The following CLMP variants were observed in gnomAD, a reference collection of about 807,000 sequenced individuals.
CLMP encodes CXADR-like membrane protein.
In CLMP, 27 loss-of-function variants were observed where a neutral mutation model predicts 45.2. The observed-to-expected ratio is 0.60, with a 90% CI of 0.44 to 0.82. The LOEUF (loss-of-function observed/expected upper bound fraction) is 0.82, where lower values mean the gene tolerates loss of function less well. CLMP is among the 40% of genes least tolerant of loss of function. The pLI is 0.00. For missense variants in CLMP, 403 were observed against 448.4 expected, an observed-to-expected ratio of 0.90 and a Z score of 0.91; for synonymous variants, 167 against 171.4, an observed-to-expected ratio of 0.97 and a Z score of 0.20.
At chr11:123,163,645 G>A (rs1224679086) in intron 1 of CLMP, among the ~76,000 whole-genome samples, 1 of 152,188 alleles carries the variant, frequency 6.6e-6, no homozygotes, top group African/African-American at 2.4e-5. Context: ...TCAGTAAAAG[G>A]GGAGAACCAC....
At chr11:123,191,609 A>G (rs898924108) in intron 1 of CLMP, 1 of 152,262 alleles carries the variant, frequency 6.6e-6, no homozygotes, top group East Asian at 1.9e-4. Flanking sequence ...TGAATTTTTT[A>G]AAAATAGGAC....
intron 6 of CLMP, 96 bp downstream of exon 6, chr11:123,074,606 G>A: frequency 2.4e-6 from 3 of 1,264,142 alleles, no homozygotes; most frequent in Non-Finnish European, 2.2e-6. Context: ...ACAGATTCAT[G>A]GTTAAGAGAA....
intron 1 of CLMP, among the ~76,000 whole-genome samples, chr11:123,124,880 G>A (rs1002492368): frequency 2.6e-5 from 4 of 152,092 alleles, no homozygotes; most frequent in African/African-American, 9.7e-5. Context: ...TATACATATG[G>A]AGTGGAATAC....
chr11:123,081,068 G>A (rs1865798716), intron 5 of CLMP, among the ~76,000 whole-genome samples: 1 of 152,016 alleles, frequency 6.6e-6, no homozygotes. Flanking sequence ...CGGGAGAATC[G>A]CTTGAACCTG....
At chr11:123,115,884 G>A (rs1452071412) in intron 1 of CLMP, among the ~76,000 whole-genome samples, 2 of 152,180 alleles carry the variant, frequency 1.3e-5, no homozygotes, top group Non-Finnish European at 1.5e-5. Context: ...TCAGGAATCT[G>A]AGCATGGCTT....
intron 1 of CLMP, among the ~76,000 whole-genome samples, chr11:123,162,049 A>G (rs1447889001): frequency 6.6e-6 from 1 of 152,256 alleles, no homozygotes; most frequent in Non-Finnish European, 1.5e-5. Context: ...TGCAGAGAAC[A>G]TGGCCCCAAC....
At chr11:123,150,480 A>AAAGAAAGAAAGGAAGGAAGG (rs764502298) in intron 1 of CLMP, among the ~76,000 whole-genome samples, 14 of 40,896 alleles carry the variant, frequency 3.4e-4, no homozygotes, top group Non-Finnish European at 3.8e-4. Flanking sequence ...AGAAAGAAAG[A>AAAGAAAGAAAGGAAGGAAGG]AAGGAAGGAA....
At chr11:123,096,755 T>C (rs1490487734) in intron 2 of CLMP, among the ~76,000 whole-genome samples, 1 of 152,116 alleles carries the variant, frequency 6.6e-6, no homozygotes, top group African/African-American at 2.4e-5. Context: ...GTTATAAAAT[T>C]AGTGGTGTAG....
intron 1 of CLMP, among the ~76,000 whole-genome samples, chr11:123,100,157 G>A (rs1213290352): frequency 6.6e-6 from 1 of 152,110 alleles, no homozygotes; most frequent in African/African-American, 2.4e-5. Context: ...GATCAACTGA[G>A]GTCAGGAGTT....
intron 2 of CLMP, among the ~76,000 whole-genome samples, chr11:123,096,258 G>A (rs1258317263): frequency 1.3e-5 from 2 of 152,120 alleles, no homozygotes; most frequent in African/African-American, 4.8e-5. Flanking sequence ...GGAGTTGGAG[G>A]CATGAGAATC....
chr11:123,157,539 G>A (rs1861430682), intron 1 of CLMP, among the ~76,000 whole-genome samples: 1 of 151,916 alleles, frequency 6.6e-6, no homozygotes, highest in Non-Finnish European at 1.5e-5. Flanking sequence ...TGCAACAAGA[G>A]CGAAACCCTG....
intron 2 of CLMP, among the ~76,000 whole-genome samples, chr11:123,094,721 C>T (rs1440712593): frequency 1.3e-5 from 2 of 152,162 alleles, no homozygotes; most frequent in East Asian, 1.9e-4. Context: ...TGAGATAATA[C>T]GTGCTAAACA....
intron 1 of CLMP, among the ~76,000 whole-genome samples, chr11:123,143,347 A>G (rs371215333): frequency 6.6e-6 from 1 of 152,158 alleles, no homozygotes; most frequent in Non-Finnish European, 1.5e-5. Context: ...AAGTGCAGGG[A>G]TATCTTCTGT....
intron 2 of CLMP, among the ~76,000 whole-genome samples, chr11:123,087,645 AC>A (rs1197864537): frequency 1.3e-5 from 2 of 151,662 alleles, no homozygotes; most frequent in Admixed American, 1.3e-4. Flanking sequence ...ATATGGTGAA[AC>A]CCTGTCTCTA....
At chr11:123,117,294 T>C (rs893771953) in intron 1 of CLMP, among the ~76,000 whole-genome samples, 4 of 152,070 alleles carry the variant, frequency 2.6e-5, no homozygotes, top group African/African-American at 7.2e-5. Context: ...TTTGCCTCAT[T>C]TTACAGAGTA....
At chr11:123,145,539 T>C (rs546252538) in intron 1 of CLMP, among the ~76,000 whole-genome samples, 1 of 143,998 alleles carries the variant, frequency 6.9e-6, no homozygotes, top group African/African-American at 2.5e-5. Context: ...CTGGACTCAA[T>C]GCAACCTCCG....
chr11:123,103,632 C>T (rs960660175), intron 1 of CLMP, among the ~76,000 whole-genome samples: 9 of 152,106 alleles, frequency 5.9e-5, no homozygotes, highest in African/African-American at 1.2e-4. Context: ...AACTTCAGTT[C>T]GTTAGACTCC....
chr11:123,125,813 C>A (rs1004985117), intron 1 of CLMP, among the ~76,000 whole-genome samples: 31 of 151,816 alleles, frequency 2.0e-4, no homozygotes, highest in African/African-American at 7.0e-4. Context: ...ACCGTGTTGG[C>A]CAGGCTGGTC....
intron 1 of CLMP, among the ~76,000 whole-genome samples, chr11:123,145,472 T>G (rs11219020): frequency 0.41 from 59,983 of 147,268 alleles, 13,309 homozygotes; most frequent in African/African-American, 0.54. Context: ...TTTTTTTTTT[T>G]TTTTTTTGAG....
Sources: allele counts gnomAD v4.1 joint callset (sites outside exome capture counted in the v4.1 genomes callset), GRCh38; gene constraint gnomAD v4.1.1; transcripts MANE v1.5; gene names NCBI Gene and HGNC (gene_info 2026-07-23, HGNC 2026-07-21).